The following NTRK3 variants were observed in gnomAD, a reference collection of about 807,000 sequenced individuals.
The protein encoded by NTRK3 is NT-3 growth factor receptor.
In NTRK3, 24 loss-of-function variants were observed where a neutral mutation model predicts 91.7. The ratio of observed to expected loss-of-function variants is 0.26; its 90% CI spans 0.19 to 0.37. The LOEUF (loss-of-function observed/expected upper bound fraction) is 0.37, where lower values mean the gene tolerates loss of function less well. Ranked by LOEUF, NTRK3 falls within the 10% of genes least tolerant of loss-of-function variation. The probability of loss-of-function intolerance (pLI) is 1.00; values close to 1 mark genes in which losing one functional copy is unlikely to be tolerated. For missense variants in NTRK3, 880 were observed against 1,068.9 expected, an observed-to-expected ratio of 0.82 and a Z score of 2.46; for synonymous variants, 483 against 404.0, an observed-to-expected ratio of 1.20 and a Z score of -2.34.
At chr15:88,246,024 G>A (rs2052781579) in intron 3 of NTRK3, among the ~76,000 whole-genome samples, 1 of 152,218 alleles carries the variant, frequency 6.6e-6, no homozygotes, top group Non-Finnish European at 1.5e-5. Flanking sequence ...TGCAGCCCCA[G>A]GTCAGGAAGC....
At chr15:87,934,171 G>A (rs2069058568) in intron 15 of NTRK3, among the ~76,000 whole-genome samples, 1 of 152,192 alleles carries the variant, frequency 6.6e-6, no homozygotes. Flanking sequence ...CTGTGAAGAG[G>A]AGAGGCCCTT....
At chr15:88,184,631 CT>C (rs2046802867) in intron 3 of NTRK3, among the ~76,000 whole-genome samples, 1 of 152,258 alleles carries the variant, frequency 6.6e-6, no homozygotes, top group Non-Finnish European at 1.5e-5. Flanking sequence ...CAGTTTTCCT[CT>C]GTTCCCCTTC....
intron 3 of NTRK3, among the ~76,000 whole-genome samples, chr15:88,192,427 C>A (rs147848138): frequency 2.0e-5 from 3 of 152,254 alleles, no homozygotes; most frequent in African/African-American, 7.2e-5. Flanking sequence ...GCAACCCCAG[C>A]TTGCCTACAC....
intron 14 of NTRK3, among the ~76,000 whole-genome samples, chr15:88,032,250 T>C (rs2078607116): frequency 6.6e-6 from 1 of 151,114 alleles, no homozygotes; most frequent in Admixed American, 6.6e-5. Flanking sequence ...AGGAGAGGGG[T>C]TGGAACCAAC....
intron 11 of NTRK3, among the ~76,000 whole-genome samples, chr15:88,128,083 A>G (rs952013660): frequency 6.6e-5 from 10 of 152,240 alleles, no homozygotes; most frequent in Non-Finnish European, 1.5e-4. Flanking sequence ...AAATGGCAGC[A>G]GTTGCTGCTA....
chr15:87,895,104 A>G (rs1374303092), intron 17 of NTRK3, among the ~76,000 whole-genome samples: 2 of 152,194 alleles, frequency 1.3e-5, no homozygotes, highest in African/African-American at 4.8e-5. Context: ...TCAACACTAA[A>G]GCTGTAGCTA....
intron 17 of NTRK3, among the ~76,000 whole-genome samples, chr15:87,889,309 C>T (rs544713030): frequency 6.6e-6 from 1 of 151,916 alleles, no homozygotes; most frequent in East Asian, 1.9e-4. Context: ...ATGAATTAGA[C>T]CAGAGGTCAA....
chr15:87,976,809 G>A (rs1004041653), intron 14 of NTRK3, among the ~76,000 whole-genome samples: 5 of 152,138 alleles, frequency 3.3e-5, no homozygotes, highest in South Asian at 2.1e-4. Flanking sequence ...CCAAAGCCCC[G>A]TCTTTCCTTG....
At chr15:88,060,462 G>A (rs1337173638) in intron 13 of NTRK3, among the ~76,000 whole-genome samples, 2 of 151,944 alleles carry the variant, frequency 1.3e-5, no homozygotes, top group East Asian at 1.9e-4. Flanking sequence ...AAGCACACGT[G>A]CAAAGTCCCC....
At chr15:87,915,901 C>T (rs2067414682) in intron 17 of NTRK3, among the ~76,000 whole-genome samples, 1 of 152,104 alleles carries the variant, frequency 6.6e-6, no homozygotes, top group Admixed American at 6.6e-5. Context: ...TCAGCAGAAG[C>T]TCAGTGATTC....
intron 14 of NTRK3, among the ~76,000 whole-genome samples, chr15:87,975,174 G>A (rs1350403146): frequency 1.3e-5 from 2 of 152,144 alleles, no homozygotes; most frequent in Non-Finnish European, 2.9e-5. Flanking sequence ...TTGGGAGGTT[G>A]GCAACCAGTT....
intron 5 of NTRK3, among the ~76,000 whole-genome samples, chr15:88,163,311 G>A (rs142281968): frequency 3.2e-4 from 48 of 152,288 alleles, no homozygotes; most frequent in African/African-American, 1.1e-3. Context: ...AATGAGCCCT[G>A]TGCCCTGGGC....
chr15:87,906,474 G>A (rs1429983346), intron 17 of NTRK3, among the ~76,000 whole-genome samples: 1 of 152,108 alleles, frequency 6.6e-6, no homozygotes, highest in Non-Finnish European at 1.5e-5. Context: ...CCGTCTCAGT[G>A]GTGTCAGAGG....
intron 5 of NTRK3, among the ~76,000 whole-genome samples, chr15:88,175,377 GAGAT>G (rs1199427862): frequency 7.1e-6 from 1 of 139,954 alleles, no homozygotes; most frequent in Non-Finnish European, 1.6e-5. Context: ...TAGACACAGA[GAGAT>G]AGAGAGAGAG....
rs771141048 is a variant in NTRK3 at position 88,233,496 on chromosome 15, G to A, written c.248+22410C>T. ...CACTGAAACCACAGTTAGCATCCTC[G>A]AAAGAGCAAATCCCAAGACCCTCTA... On this transcript the variant is annotated intron_variant, in intron 3 of 18. Coordinates refer to ENST00000394480, the Ensembl canonical transcript of NTRK3. This position sits in a 1 kb window ranked among gnomAD's most constrained non-coding sequence, Gnocchi z 4.2. 6.6e-5 allele frequency among the ~76,000 whole-genome samples: 10 copies of A among 152,078 alleles called. No homozygotes were observed. The highest frequency in any genetic ancestry group is 1.2e-4 in the African/African-American group (5 of 41,396).
chr15:88,147,185 G>T, intron 6 of NTRK3, 150 bp downstream of exon 6: 1 of 717,860 alleles, frequency 1.4e-6, no homozygotes, highest in Non-Finnish European at 2.5e-6. Context: ...TGCTCTCACT[G>T]AACATGGTAC....
intron 14 of NTRK3, among the ~76,000 whole-genome samples, chr15:87,992,478 C>T (rs988330614): frequency 3.9e-5 from 6 of 152,324 alleles, no homozygotes; most frequent in Middle Eastern, 6.8e-3. Context: ...AATTCTTCTC[C>T]TCTTACCTGG....
intron 13 of NTRK3, among the ~76,000 whole-genome samples, chr15:88,050,025 G>A (rs2080661650): frequency 6.6e-6 from 1 of 152,148 alleles, no homozygotes; most frequent in Non-Finnish European, 1.5e-5. Flanking sequence ...ATGGGCTATT[G>A]ACTATTTTCA....
At chr15:87,904,854 C>T (rs962264823) in intron 17 of NTRK3, among the ~76,000 whole-genome samples, 5 of 152,114 alleles carry the variant, frequency 3.3e-5, no homozygotes, top group African/African-American at 1.2e-4. Flanking sequence ...TGTTGAGATG[C>T]GTTAATATTT....
Sources: allele counts gnomAD v4.1 joint callset (sites outside exome capture counted in the v4.1 genomes callset), GRCh38; gene constraint gnomAD v4.1.1; non-coding constraint Gnocchi (gnomAD v3.1); transcripts MANE v1.5; gene names NCBI Gene and HGNC (gene_info 2026-07-23, HGNC 2026-07-21).